KIF26B: variants seen among roughly 807,000 people sequenced by gnomAD.
KIF26B encodes the protein kinesin family member 26B, also known as kinesin-like protein KIF26B.
A neutral mutation model predicts 151.2 loss-of-function variants in KIF26B; 63 were observed. The observed-to-expected ratio is 0.42, with a 90% CI of 0.34 to 0.51. KIF26B has a LOEUF of 0.51. KIF26B is among the 20% of genes least tolerant of loss of function. KIF26B has a pLI of 0.07. For synonymous variants in KIF26B, 1,357 were observed against 1,262.1 expected (o/e 1.08, Z -1.59); for missense variants, 2,813 against 2,913.6 (o/e 0.97, Z 0.79).
At chr1:245,480,762 C>A (rs1660148319) in intron 4 of KIF26B, among the ~76,000 whole-genome samples, 2 of 137,504 alleles carry the variant, frequency 1.5e-5, no homozygotes, top group Non-Finnish European at 3.1e-5. Flanking sequence ...TAGTTTAATC[C>A]TAATACTTTT....
intron 9 of KIF26B, among the ~76,000 whole-genome samples, chr1:245,628,097 T>C (rs2043743290): frequency 1.3e-5 from 2 of 151,968 alleles, no homozygotes; most frequent in South Asian, 4.1e-4. Context: ...TTCCAAACAA[T>C]AGAAAAAGAG....
intron 2 of KIF26B, among the ~76,000 whole-genome samples, chr1:245,334,931 G>A (rs556924152): frequency 6.6e-6 from 1 of 152,272 alleles, no homozygotes; most frequent in East Asian, 1.9e-4. Flanking sequence ...ATTAGGTGTC[G>A]GAGTTGGGAT....
At position 245,374,373 on chromosome 1, in the gene KIF26B, G is replaced by A. The variant is rs577437088; in HGVS notation, c.999+7006G>A. ...TTGTGGCTTCGTGGAAAGCAGAAGCGTGTGTTCTAGTATGGCTGATGTCGG... is the reference window on the plus strand; with the variant it reads ...TTGTGGCTTCGTGGAAAGCAGAAGCATGTGTTCTAGTATGGCTGATGTCGG... On this transcript the variant is annotated intron_variant, in intron 3 of 14. Coordinates refer to ENST00000407071, the MANE Select transcript of KIF26B (RefSeq NM_018012.4). Among the ~76,000 whole-genome samples the A allele has an allele frequency of 4.6e-5, 7 of 151,794 alleles. No individual in the cohort carries two copies. In the South Asian group the frequency reaches 6.3e-4, roughly 14 times the overall value.
At chr1:245,611,082 C>G (rs1482770078) in intron 8 of KIF26B, among the ~76,000 whole-genome samples, 1 of 152,162 alleles carries the variant, frequency 6.6e-6, no homozygotes, top group Non-Finnish European at 1.5e-5. Context: ...AAGATTCAGA[C>G]GCATTACCCT....
intron 4 of KIF26B, among the ~76,000 whole-genome samples, chr1:245,432,568 T>C (rs1281312929): frequency 1.3e-5 from 2 of 152,270 alleles, no homozygotes; most frequent in African/African-American, 4.8e-5. Context: ...TTTCTTCCCT[T>C]GAATAAACTT....
intron 2 of KIF26B, among the ~76,000 whole-genome samples, chr1:245,232,205 GGCTTTGGCA>G (rs1222424540): frequency 1.3e-5 from 2 of 152,240 alleles, no homozygotes; most frequent in African/African-American, 2.4e-5. Flanking sequence ...ATTAGGATAT[GGCTTTGGCA>G]GCTCTAGACG....
chr1:245,642,725 G>T (rs1310428686), intron 9 of KIF26B, among the ~76,000 whole-genome samples: 2 of 152,184 alleles, frequency 1.3e-5, no homozygotes, highest in Non-Finnish European at 2.9e-5. Flanking sequence ...GATCTGCTGT[G>T]AGACAGATAC....
In KIF26B at chr1:245,685,479, C is replaced by T. The variant is rs200317382; in HGVS notation, c.2496C>T (p.Pro832=). ...GRMRRPTQLR[P]FHTRATVDPD... is the part of the protein sequence containing the mutation. ...TGCGCAGGCCCACCCAGCTGAGACC[C>T]TTCCACACCAGGGCCACGGTGGACC... Residue 832 remains proline (P), a synonymous_variant, in exon 12 of 15, where the codon CCC becomes CCT. Transcript: ENST00000407071. 1 of 1,613,858 alleles carries T rather than the reference C, an allele frequency of 6.2e-7. No individual in the cohort carries two copies. Among genetic ancestry groups the T allele is most frequent in the South Asian group, 1.1e-5 (1 of 91,074 alleles).
intron 10 of KIF26B, among the ~76,000 whole-genome samples, chr1:245,648,230 T>C (rs1272358278): frequency 1.3e-5 from 2 of 152,260 alleles, no homozygotes; most frequent in Non-Finnish European, 2.9e-5. Flanking sequence ...TTATGATTTC[T>C]ATAAATAGTT....
intron 2 of KIF26B, among the ~76,000 whole-genome samples, chr1:245,229,510 G>A (rs1333924620): frequency 2.6e-5 from 4 of 152,138 alleles, no homozygotes; most frequent in African/African-American, 7.2e-5. Context: ...GCAGAGCTAC[G>A]CACTACAGCA....
rs758175734 is a variant in KIF26B, at chr1:245,367,119, C to T, written c.751C>T (p.Pro251Ser). ...QPRDWAFVPA[P>S]CATSNYTGFA... ...CAGAGACTGGGCCTTTGTGCCCGCCCCCTGTGCCACCTCCAACTACACAGG... is the reference window on the plus strand; with the variant it reads ...CAGAGACTGGGCCTTTGTGCCCGCCTCCTGTGCCACCTCCAACTACACAGG... The change falls in exon 3 of 15, where the codon CCC (proline) becomes TCC (serine). Residue 251 changes from proline (P) to serine (S), a missense_variant. Physicochemically the swap from Pro to Ser is moderately conservative, Grantham distance 74. Coordinates refer to ENST00000407071, the MANE Select transcript of KIF26B (RefSeq NM_018012.4). This position sits in a 1 kb window ranked among gnomAD's most constrained non-coding sequence, Gnocchi z 4.2. The T allele has an allele frequency of 3.8e-6, 6 of 1,592,950 alleles. No homozygotes were observed. The South Asian group carries it at 6.8e-5, about 18-fold the overall frequency.
chr1:245,230,500 T>C (rs1669973534), intron 2 of KIF26B, among the ~76,000 whole-genome samples: 1 of 152,110 alleles, frequency 6.6e-6, no homozygotes, highest in African/African-American at 2.4e-5. Context: ...CCCAGCACTT[T>C]GGGAGGCCGA....
intron 2 of KIF26B, among the ~76,000 whole-genome samples, chr1:245,360,463 G>A (rs1572022487): frequency 6.6e-6 from 1 of 152,124 alleles, no homozygotes; most frequent in Non-Finnish European, 1.5e-5. Context: ...CATTTACCAA[G>A]GGCCAGGTCT....
At position 245,241,624 on chromosome 1, in the gene KIF26B, G is replaced by T. The variant is rs966208405; in HGVS notation, c.465+84941G>T. Among the ~76,000 whole-genome samples, 1 of 152,128 alleles carries T rather than the reference G, an allele frequency of 6.6e-6. No homozygotes were observed. Among genetic ancestry groups the T allele is most frequent in the South Asian group, 2.1e-4 (1 of 4,822 alleles). On this transcript the variant is annotated intron_variant, in intron 2 of 14. Transcript: ENST00000407071. This position sits in a 1 kb window ranked among gnomAD's most constrained non-coding sequence, Gnocchi z 5.0. ...ATGGCCTCAGGAGACAGTGACTCACGCTGTGTCCACCTGTGTCATCCTGTG... is the reference window on the plus strand; with the variant it reads ...ATGGCCTCAGGAGACAGTGACTCACTCTGTGTCCACCTGTGTCATCCTGTG...
intron 2 of KIF26B, among the ~76,000 whole-genome samples, chr1:245,349,223 T>G (rs1031020785): frequency 1.3e-5 from 2 of 152,312 alleles, no homozygotes; most frequent in South Asian, 4.1e-4. Context: ...TGCTTGGTCT[T>G]TTTAAAAGTA....
Position 245,297,737 on chromosome 1 carries a change from G to A in KIF26B, c.466-69097G>A, listed in dbSNP as rs79362973. ...CTCTGTACTGTGCTAGTTGATGGGA[G>A]TGGGACTAGGGTCAAATGAGGACAT... On this transcript the variant is annotated intron_variant, in intron 2 of 14. Coordinates refer to ENST00000407071, the MANE Select transcript of KIF26B (RefSeq NM_018012.4). Among the ~76,000 whole-genome samples the A allele has an allele frequency of 3.1e-4, 47 of 152,338 alleles. No individual in the cohort carries two copies. In the East Asian group the frequency reaches 5.0e-3, roughly 16 times the overall value.
chr1:245,503,154 C>T (rs541384228), intron 4 of KIF26B, among the ~76,000 whole-genome samples: 2 of 152,034 alleles, frequency 1.3e-5, no homozygotes, highest in African/African-American at 4.8e-5. Flanking sequence ...CCACCGCACC[C>T]GGCCATGGTG....
intron 10 of KIF26B, among the ~76,000 whole-genome samples, chr1:245,670,010 C>T (rs555229071): frequency 1.6e-4 from 24 of 152,136 alleles, no homozygotes; most frequent in South Asian, 4.1e-4. Context: ...AGGATTAAAA[C>T]GCTACATTTT....
intron 4 of KIF26B, among the ~76,000 whole-genome samples, chr1:245,450,908 T>A (rs1659375818): frequency 6.6e-6 from 1 of 152,198 alleles, no homozygotes; most frequent in Non-Finnish European, 1.5e-5. Context: ...AATTTTAAGA[T>A]GAATTTTTAA....
Sources: allele counts gnomAD v4.1 joint callset (sites outside exome capture counted in the v4.1 genomes callset), GRCh38; gene constraint gnomAD v4.1.1; non-coding constraint Gnocchi (gnomAD v3.1); transcripts MANE v1.5; gene names NCBI Gene and HGNC (gene_info 2026-07-23, HGNC 2026-07-21).